Variants in ROBO1 observed in about 807,000 individuals in gnomAD.
ROBO1 encodes the protein roundabout guidance receptor 1.
Under a neutral mutation model 195.9 loss-of-function variants are expected in ROBO1, and 149 were observed. The observed-to-expected ratio is 0.76, with a 90% CI of 0.67 to 0.87. The LOEUF (loss-of-function observed/expected upper bound fraction) is 0.87. ROBO1 is among the 40% of genes least tolerant of loss of function. The pLI is 0.00. For synonymous variants in ROBO1, 816 were observed against 733.2 expected (o/e 1.11, Z -1.82); for missense variants, 1,933 against 2,068.3 (o/e 0.93, Z 1.27).
intron 2 of ROBO1, among the ~76,000 whole-genome samples, chr3:79,203,901 T>C (rs2081815094): frequency 6.6e-6 from 1 of 152,182 alleles, no homozygotes; most frequent in Admixed American, 6.6e-5. Flanking sequence ...CATTCCCTTT[T>C]GCCAATGCCA....
In ROBO1 at chr3:78,662,018, G is replaced by C. The variant is rs1707437095; in HGVS notation, c.2063C>G (p.Ser688Cys). 2 of 1,607,002 alleles carry C rather than the reference G, an allele frequency of 1.2e-6. No individual in the cohort carries two copies. The highest frequency in any genetic ancestry group is 2.2e-5 in the East Asian group (1 of 44,782). ...LHLHNPTVLS[S>C]SSIEVHWTVD... ...TGTCCAGTGCACTTCGATGGAAGAGGAAGAAAGGACGGTGGGGTTGTGGAG... is the reference window on the plus strand; with the variant it reads ...TGTCCAGTGCACTTCGATGGAAGAGCAAGAAAGGACGGTGGGGTTGTGGAG... Residue 688 changes from serine (S) to cysteine (C), a missense_variant, in exon 15 of 31, where the codon TCC becomes TGC. By Grantham distance (112) the Ser-to-Cys change is moderately radical. Transcript: ENST00000464233.
intron 10 of ROBO1, among the ~76,000 whole-genome samples, chr3:78,680,594 A>C (rs990374018): frequency 1.4e-4 from 22 of 151,792 alleles, no homozygotes; most frequent in Non-Finnish European, 2.5e-4. Flanking sequence ...GCTCACCATC[A>C]CTGGCCATCA....
intron 2 of ROBO1, among the ~76,000 whole-genome samples, chr3:79,370,427 A>T (rs1169371268): frequency 6.6e-6 from 1 of 152,020 alleles, no homozygotes; most frequent in Non-Finnish European, 1.5e-5. Flanking sequence ...TTCTCCCTTT[A>T]TATTCACAAA....
At chr3:79,018,197 G>A (rs1398881150) in intron 3 of ROBO1, among the ~76,000 whole-genome samples, 1 of 152,224 alleles carries the variant, frequency 6.6e-6, no homozygotes, top group East Asian at 1.9e-4. Context: ...AGGAGGTTCA[G>A]GGGTGGAGGG....
chr3:79,096,371 T>C (rs2079566862), intron 3 of ROBO1, among the ~76,000 whole-genome samples: 1 of 151,846 alleles, frequency 6.6e-6, no homozygotes, highest in Non-Finnish European at 1.5e-5. Flanking sequence ...AGTAAATAAA[T>C]AGAGATGACA....
intron 3 of ROBO1, among the ~76,000 whole-genome samples, chr3:79,080,142 C>T (rs1185329745): frequency 6.6e-6 from 1 of 151,516 alleles, no homozygotes; most frequent in Non-Finnish European, 1.5e-5. Context: ...AAATTAATTG[C>T]TAATTCTTGA....
chr3:79,197,235 G>A (rs150055577), intron 2 of ROBO1, among the ~76,000 whole-genome samples: 1 of 151,870 alleles, frequency 6.6e-6, no homozygotes, highest in East Asian at 1.9e-4. Context: ...TCCCCTCCCT[G>A]TGTCCATGTG....
intron 4 of ROBO1, among the ~76,000 whole-genome samples, chr3:78,903,056 G>C (rs1408437430): frequency 6.6e-6 from 1 of 152,074 alleles, no homozygotes; most frequent in African/African-American, 2.4e-5. Context: ...TACTCTCATA[G>C]GAAGAGGCAA....
At chr3:79,148,982 T>C (rs1237171044) in intron 2 of ROBO1, among the ~76,000 whole-genome samples, 39 of 151,902 alleles carry the variant, frequency 2.6e-4, no homozygotes, top group Non-Finnish European at 2.9e-5. Context: ...TGAGTCATTG[T>C]TTCCCAGCAA....
At chr3:79,263,496 A>T (rs909860488) in intron 2 of ROBO1, among the ~76,000 whole-genome samples, 8 of 152,096 alleles carry the variant, frequency 5.3e-5, no homozygotes, top group Non-Finnish European at 1.2e-4. Flanking sequence ...AAAAAAAATT[A>T]AAAAATAATT....
chr3:78,913,910 AC>A (rs1313467504), intron 4 of ROBO1, among the ~76,000 whole-genome samples: 3 of 152,314 alleles, frequency 2.0e-5, no homozygotes, highest in Non-Finnish European at 4.4e-5. Context: ...TAGGCTAGAG[AC>A]CAAGAAAACT....
chr3:78,922,503 C>T (rs1306649585), intron 4 of ROBO1, among the ~76,000 whole-genome samples: 2 of 151,880 alleles, frequency 1.3e-5, no homozygotes, highest in Non-Finnish European at 2.9e-5. Context: ...ATTTAAAGTC[C>T]TCTCCCTGTC....
chr3:79,719,321 TA>T (rs1283921814), intron 1 of ROBO1, among the ~76,000 whole-genome samples: 5 of 152,144 alleles, frequency 3.3e-5, no homozygotes, highest in Admixed American at 2.0e-4. Flanking sequence ...TAGTTTCCAT[TA>T]AACTTTTATT....
rs144636609 is a variant in ROBO1 at position 79,266,927 on chromosome 3, T to A, written c.89-141388A>T. On this transcript the variant is annotated intron_variant, in intron 2 of 30. Transcript: ENST00000464233. ...CATATAATGTAGAATAAACTCCCTT[T>A]AATATATTTTGAAGTTTCTCCCATT... Among the ~76,000 whole-genome samples, 479 of 151,710 alleles carry A rather than the reference T, an allele frequency of 3.2e-3. 3 individuals are homozygous for A. Among genetic ancestry groups the A allele is most frequent in the African/African-American group, 0.011 (443 of 41,506 alleles).
chr3:79,071,734 A>ACGTG (rs757596634), intron 3 of ROBO1, among the ~76,000 whole-genome samples: 1 of 147,656 alleles, frequency 6.8e-6, no homozygotes, highest in Non-Finnish European at 1.5e-5. Flanking sequence ...GCACACACAC[A>ACGTG]CACACGCACA....
At chr3:78,924,094 TACAC>T (rs1359625564) in intron 4 of ROBO1, among the ~76,000 whole-genome samples, 1 of 151,962 alleles carries the variant, frequency 6.6e-6, no homozygotes, top group Non-Finnish European at 1.5e-5. Flanking sequence ...TACATACACA[TACAC>T]ACATTATAAA....
intron 2 of ROBO1, among the ~76,000 whole-genome samples, chr3:79,216,493 G>C (rs2082057501): frequency 1.3e-5 from 2 of 151,974 alleles, no homozygotes; most frequent in African/African-American, 4.8e-5. Flanking sequence ...TTTACTATAG[G>C]ACTATTGATT....
rs139568710 is a variant in ROBO1, at chr3:79,685,649, C to T, written c.-51+82103G>A. 4.5e-3 allele frequency among the ~76,000 whole-genome samples: 685 copies of T among 152,196 alleles called. 9 individuals are homozygous for T. Among genetic ancestry groups the T allele is most frequent in the African/African-American group, 0.016 (649 of 41,530 alleles). On this transcript the variant is annotated intron_variant, in intron 1 of 30. Transcript: ENST00000464233. ...TGGCAAGTTACAAACCCATTGTGCA[C>T]GCTCCAGTGGCTACAAGTCTTCCAC...
At chr3:78,643,066 A>C (rs1417194763) in intron 21 of ROBO1, among the ~76,000 whole-genome samples, 2 of 152,124 alleles carry the variant, frequency 1.3e-5, no homozygotes, top group Non-Finnish European at 2.9e-5. Flanking sequence ...CCATTTATCG[A>C]TAAATAAACC....
Sources: allele counts gnomAD v4.1 joint callset (sites outside exome capture counted in the v4.1 genomes callset), GRCh38; gene constraint gnomAD v4.1.1; transcripts MANE v1.5; gene names NCBI Gene and HGNC (gene_info 2026-07-23, HGNC 2026-07-21).